SHOX: variants seen among roughly 807,000 people sequenced by gnomAD.
SHOX encodes the protein SHOX homeobox.
In SHOX, 12 loss-of-function variants were observed where a neutral mutation model predicts 29.6. The ratio of observed to expected loss-of-function variants is 0.41; its 90% CI spans 0.26 to 0.66. SHOX has a LOEUF of 0.66. SHOX is among the 30% of genes least tolerant of loss of function. The pLI is 0.35. For missense variants in SHOX, 499 were observed against 437.7 expected (o/e 1.14, Z -1.25); for synonymous variants, 214 against 200.6 (o/e 1.07, Z -0.57).
chrX:654,689 T>C (rs1456858200), downstream of SHOX, among the ~76,000 whole-genome samples: 8 of 152,124 alleles, frequency 5.3e-5, no homozygotes, highest in Non-Finnish European at 8.8e-5. Flanking sequence ...TTGTTTTTGT[T>C]TTTTAATTTT....
chrX:626,553 T>C (rs868061896), upstream of SHOX, among the ~76,000 whole-genome samples: 1 of 31,886 alleles, frequency 3.1e-5, no homozygotes, highest in South Asian at 8.5e-4. Flanking sequence ...TCTCTCTCTC[T>C]CCTCTTTTTC....
intron 2 of SHOX, among the ~76,000 whole-genome samples, chrX:636,970 A>ATATATATATATATATATATTTTTTT (rs1458275715): frequency 7.3e-6 from 1 of 137,330 alleles, no homozygotes; most frequent in African/African-American, 2.8e-5. Flanking sequence ...ATATATATAT[A>ATATATATATATATATATATTTTTTT]TTTTGGCTCC....
chrX:655,161 G>A (rs1414375186), downstream of SHOX, among the ~76,000 whole-genome samples: 1 of 151,730 alleles, frequency 6.6e-6, no homozygotes, highest in African/African-American at 2.4e-5. Flanking sequence ...AGGCAGGAGT[G>A]CAGTGGTGCC....
At chrX:635,704 C>T (rs1000719102) in intron 2 of SHOX, among the ~76,000 whole-genome samples, 25 of 152,236 alleles carry the variant, frequency 1.6e-4, no homozygotes, top group Admixed American at 3.9e-4. Context: ...GCATTCTAAA[C>T]ATTCACTTAA....
chrX:632,024 G>A (rs1465108738), intron 1 of SHOX: 7 of 455,772 alleles, frequency 1.5e-5, no homozygotes, highest in South Asian at 9.3e-5. Flanking sequence ...GCTCGGTTCT[G>A]TTTCCTTTAA....
chrX:633,268 G>A (rs1329191595), intron 1 of SHOX, among the ~76,000 whole-genome samples: 3 of 152,162 alleles, frequency 2.0e-5, no homozygotes, highest in Admixed American at 6.5e-5. Context: ...GCCTGCGGGT[G>A]TTTGAGGACT....
Position 645,281 on chromosome X carries a change from A to G in SHOX, c.*645A>G, listed in dbSNP as rs1205399230. 1 of 151,792 alleles carries G rather than the reference A, an allele frequency of 6.6e-6. No homozygotes were observed. The highest frequency in any genetic ancestry group is 1.5e-5 in the Non-Finnish European group (1 of 67,986). The allele number at this position is 151,792 out of a possible 1,614,324, so 9.4% of individuals were successfully genotyped here. A position where few individuals can be genotyped will look rare whatever the true frequency, so the allele number is the denominator to read the frequency against. ...TGGAAAGGGAGGGGAGGGAGACCCG[A>G]ACCTCCCACGTTGGGACTCCCACGT... On this transcript the variant is annotated 3_prime_UTR_variant, in exon 5 of 5. Transcript: ENST00000686671.
chrX:641,270 A>C (rs1210152914), intron 4 of SHOX, among the ~76,000 whole-genome samples, 183 bp downstream of exon 4: 3 of 152,136 alleles, frequency 2.0e-5, no homozygotes, highest in African/African-American at 7.2e-5. Context: ...GCACCTATGA[A>C]ATCAGGCTGG....
At chrX:659,332 T>C (rs1424841376) in exon 6 of SHOX, 1 of 152,050 alleles carries the variant, frequency 6.6e-6, no homozygotes, top group Non-Finnish European at 1.5e-5. Context: ...AAAGATCCTC[T>C]CACCTCCACC....
chrX:640,929 G>T, intron 3 of SHOX, 51 bp downstream of exon 3: 2 of 1,613,446 alleles, frequency 1.2e-6, no homozygotes, highest in East Asian at 4.5e-5. Context: ...TGCTCCAGGA[G>T]GGATGGGGTC....
chrX:631,252 C>G (rs1199075762), intron 1 of SHOX, 78 bp downstream of exon 1: 2 of 1,550,830 alleles, frequency 1.3e-6, no homozygotes, highest in East Asian at 2.2e-5. Context: ...CGGCCCCGCG[C>G]GCCCCTCGCT....
rs781195996 is a variant in SHOX at position 648,940 on chromosome X, T to C, written c.*4304T>C. Among the ~76,000 whole-genome samples, 106 of 89,228 alleles carry C rather than the reference T, an allele frequency of 1.2e-3. 1 individual carries two copies. The highest frequency in any genetic ancestry group is 3.6e-3 in the African/African-American group (103 of 28,468). The allele number at this position is 89,228 out of a possible 152,430, so 58.5% of individuals were successfully genotyped here. A position where few individuals can be genotyped will look rare whatever the true frequency, so the allele number is the denominator to read the frequency against. On this transcript the variant is annotated 3_prime_UTR_variant, in exon 5 of 5. Coordinates refer to ENST00000686671, the MANE Select transcript of SHOX (RefSeq NM_000451.4). ...TCTTTTTCTTTCTTTCTCTCTTTCT[T>C]TCTTTTCTTTCTTTCTGTTTCTTTC...
In SHOX at chrX:648,815, G is replaced by A. The variant is rs868382102; in HGVS notation, c.*4179G>A. ...CTGCTTCTTTCTCCCTGAAACTCTCGGATGGAAGGAAGTAAGAAATTCAGC... is the reference window on the plus strand; with the variant it reads ...CTGCTTCTTTCTCCCTGAAACTCTCAGATGGAAGGAAGTAAGAAATTCAGC... On this transcript the variant is annotated 3_prime_UTR_variant, in exon 5 of 5. Coordinates refer to ENST00000686671, the MANE Select transcript of SHOX (RefSeq NM_000451.4). Among the ~76,000 whole-genome samples the A allele has an allele frequency of 7.9e-5, 12 of 151,942 alleles. No homozygotes were observed. The highest frequency in any genetic ancestry group is 2.2e-4 in the African/African-American group (9 of 41,360).
chrX:625,609 C>A (rs2052512158), intron 1 of SHOX, among the ~76,000 whole-genome samples: 1 of 149,444 alleles, frequency 6.7e-6, no homozygotes, highest in Admixed American at 6.6e-5. Context: ...TCCTCTCTCT[C>A]TTTTTCTCTG....
At chrX:631,423 G>C (rs1176977916) in intron 1 of SHOX, among the ~76,000 whole-genome samples, 1 of 152,236 alleles carries the variant, frequency 6.6e-6, no homozygotes, top group African/African-American at 2.4e-5. Flanking sequence ...CCGCGCGCGT[G>C]GGCACCGACA....
intron 2 of SHOX, among the ~76,000 whole-genome samples, chrX:635,131 C>T (rs1303981539): frequency 6.6e-6 from 1 of 152,004 alleles, no homozygotes; most frequent in Non-Finnish European, 1.5e-5. Context: ...GATATTTGTT[C>T]GTCCTTGGTG....
chrX:653,389 T>C (rs1258101101), downstream of SHOX, among the ~76,000 whole-genome samples: 11 of 152,236 alleles, frequency 7.2e-5, no homozygotes, highest in African/African-American at 2.4e-4. Context: ...AATGAATCTG[T>C]TTCAAAAATG....
intron 5 of SHOX, among the ~76,000 whole-genome samples, chrX:657,025 C>T (rs1292317425): frequency 2.8e-5 from 3 of 106,182 alleles, no homozygotes; most frequent in Admixed American, 1.0e-4. Context: ...AAAAATGCTG[C>T]CCAAGCTGTG....
At chrX:633,924 A>G (rs1031485319) in intron 1 of SHOX, among the ~76,000 whole-genome samples, 1 of 152,176 alleles carries the variant, frequency 6.6e-6, no homozygotes, top group Admixed American at 6.5e-5. Context: ...CCCAGCAAAT[A>G]CAGACAGGTC....
Sources: allele counts gnomAD v4.1 joint callset (sites outside exome capture counted in the v4.1 genomes callset), GRCh38; gene constraint gnomAD v4.1.1; transcripts MANE v1.5; gene names NCBI Gene and HGNC (gene_info 2026-07-23, HGNC 2026-07-21).